The following ZNF862 variants were observed in gnomAD, a reference collection of about 807,000 sequenced individuals.
ZNF862 encodes zinc finger protein 862.
In ZNF862, 64 loss-of-function variants were observed where a neutral mutation model predicts 91.1. The ratio of observed to expected loss-of-function variants is 0.70; its 90% CI spans 0.57 to 0.87. The LOEUF is 0.87. Ranked by LOEUF, ZNF862 falls within the 40% of genes least tolerant of loss-of-function variation. The pLI is 0.00. For synonymous variants in ZNF862, 631 were observed against 618.1 expected (o/e 1.02, Z -0.31); for missense variants, 1,459 against 1,528.0 (o/e 0.95, Z 0.75).
chr7:149,857,875 C>T (rs1279085239), intron 5 of ZNF862, among the ~76,000 whole-genome samples: 1 of 152,156 alleles, frequency 6.6e-6, no homozygotes, highest in Admixed American at 6.5e-5. Flanking sequence ...GCAGTGCACC[C>T]CTTGGTCCAT....
intron 4 of ZNF862, among the ~76,000 whole-genome samples, chr7:149,849,010 A>C (rs1801972349): frequency 6.6e-6 from 1 of 152,164 alleles, no homozygotes; most frequent in Non-Finnish European, 1.5e-5. Context: ...TATATTGCCC[A>C]GGCTGGTCTT....
rs536186007 is a variant in ZNF862 at position 149,846,831 on chromosome 7, C to G, written c.241+576C>G. ...GTTTGTTTTCCCTTGTGATTTCTCT[C>G]AGACCACAAAGAGCTCTAGACAGCT... On this transcript the variant is annotated intron_variant, in intron 3 of 7. Transcript: ENST00000223210. 2.2e-4 allele frequency among the ~76,000 whole-genome samples: 34 copies of G among 152,332 alleles called. No homozygotes were observed. In the South Asian group the frequency reaches 6.8e-3, roughly 31 times the overall value.
chr7:149,860,948 C>T lies in ZNF862; in HGVS notation c.1788C>T (p.Arg596=), dbSNP rs573555166. 2 of 1,613,736 alleles carry T rather than the reference C, an allele frequency of 1.2e-6. No individual in the cohort carries two copies. Among genetic ancestry groups the T allele is most frequent in the East Asian group, 2.2e-5 (1 of 44,870 alleles). The change falls in exon 7 of 8, where the codon CGC becomes CGT. Residue 596 remains arginine (R), a synonymous_variant. Transcript: ENST00000223210. Reference sequence around the variant, plus strand: ...TGATATTAGGCAAGTACCGCAATCGCACGGCGTGCACTCAGTTCATCAAGT... The same window carrying T: ...TGATATTAGGCAAGTACCGCAATCGTACGGCGTGCACTCAGTTCATCAAGT... ...GTVILGKYRN[R]TACTQFIKYI...
In ZNF862 at chr7:149,844,635, C is replaced by G; in HGVS notation, c.35C>G (p.Thr12Arg). The G allele has an allele frequency of 1.3e-6, 2 of 1,598,306 alleles. No individual in the cohort carries two copies. The highest frequency in any genetic ancestry group is 2.7e-5 in the African/African-American group (2 of 74,730). The change falls in exon 2 of 8, where the codon ACG (threonine) becomes AGG (arginine). Residue 12 changes from threonine (T) to arginine (R), a missense_variant. Thr to Arg is a moderately conservative substitution (Grantham distance 71). Coordinates refer to ENST00000223210, the MANE Select transcript of ZNF862 (RefSeq NM_001099220.3). ...TCATTTTCCTTTCAGGCTCCTGTGA[C>G]GTTTGATGACATCACTGTGTACTTA... ...EPRESGKAPV[T>R]FDDITVYLLQ...
chr7:149,839,781 A>G (rs1422070048), intron 1 of ZNF862, among the ~76,000 whole-genome samples: 1 of 152,196 alleles, frequency 6.6e-6, no homozygotes, highest in Non-Finnish European at 1.5e-5. Context: ...CCAAGCCAAT[A>G]AAGCTCAACA....
At chr7:149,844,900 A>G (rs1801819869) in intron 2 of ZNF862, 164 bp downstream of exon 2, 2 of 580,316 alleles carry the variant, frequency 3.4e-6, no homozygotes, top group Admixed American at 3.1e-5. Context: ...AATTGCATGC[A>G]AATTCACACA....
At chr7:149,863,276 G>A (rs978693785) in intron 7 of ZNF862, among the ~76,000 whole-genome samples, 3 of 152,170 alleles carry the variant, frequency 2.0e-5, no homozygotes, top group Non-Finnish European at 2.9e-5. Context: ...ACTTGACAAG[G>A]ATGGAGCAGT....
intron 5 of ZNF862, chr7:149,856,372 C>T (rs1167136011): frequency 6.6e-6 from 1 of 152,250 alleles, no homozygotes; most frequent in Admixed American, 6.5e-5. Context: ...GTACATCACA[C>T]TTTGTTGGTT....
intron 5 of ZNF862, among the ~76,000 whole-genome samples, chr7:149,856,694 T>G (rs1336013312): frequency 6.6e-6 from 1 of 152,206 alleles, no homozygotes; most frequent in East Asian, 1.9e-4. Flanking sequence ...CCCAGGCAGC[T>G]GTTAGGCCTG....
chr7:149,860,576 G>A lies in ZNF862; in HGVS notation c.1416G>A (p.Gln472=). 1 of 1,614,024 alleles carries A rather than the reference G, an allele frequency of 6.2e-7. No individual in the cohort carries two copies. Among genetic ancestry groups the A allele is most frequent in the Non-Finnish European group, 8.5e-7 (1 of 1,179,902 alleles). The change falls in exon 7 of 8, where the codon CAG becomes CAA. Residue 472 remains glutamine, a synonymous_variant. Coordinates refer to ENST00000223210, the MANE Select transcript of ZNF862 (RefSeq NM_001099220.3). ...CCATTCAGAGGTCATGGTTTGGGCA[G>A]TTCCCATGGTTAGTAATTGACCCCA... ...PRSIQRSWFG[Q]FPWLVIDPKE...
chr7:149,844,457 C>T (rs76878088), intron 1 of ZNF862, among the ~76,000 whole-genome samples, 168 bp from the exon 2 acceptor site: 33 of 152,216 alleles, frequency 2.2e-4, no homozygotes, highest in Non-Finnish European at 4.0e-4. Context: ...AAACGAGTCT[C>T]GTTGTCACTG....
At chr7:149,857,129 CT>C (rs970027524) in intron 5 of ZNF862, among the ~76,000 whole-genome samples, 9 of 151,178 alleles carry the variant, frequency 6.0e-5, no homozygotes, top group South Asian at 2.1e-4. Context: ...TGTTTTTAAT[CT>C]TTTTTTTTGG....
In ZNF862 at chr7:149,864,145, A is replaced by G; in HGVS notation, c.3371A>G (p.Tyr1124Cys). Reference protein sequence around the residue: ...RLRKEEMGALYVEEPRTQKPP... With the variant: ...RLRKEEMGALCVEEPRTQKPP... ...AGGAAGGAGGAGATGGGAGCCCTCT[A>G]TGTGGAGGAGCCCAGGACCCAGAAG... The change falls in exon 8 of 8, where the codon TAT becomes TGT. Residue 1124 changes from tyrosine (Y) to cysteine (C), a missense_variant. By Grantham distance (194) the Tyr-to-Cys change is radical (BLOSUM62 -2). Transcript: ENST00000223210. 1 of 1,592,448 alleles carries G rather than the reference A, an allele frequency of 6.3e-7. No individual in the cohort carries two copies. Among genetic ancestry groups the G allele is most frequent in the Non-Finnish European group, 8.5e-7 (1 of 1,169,684 alleles).
intron 1 of ZNF862, chr7:149,841,480 T>C: frequency 5.1e-6 from 5 of 979,070 alleles, no homozygotes; most frequent in Non-Finnish European, 6.1e-6. Context: ...CATTTATTTA[T>C]TTACGTATTT....
Position 149,854,214 on chromosome 7 carries a change from T to C in ZNF862, c.1117+3876T>C, listed in dbSNP as rs537774043. On this transcript the variant is annotated intron_variant, in intron 5 of 7. Coordinates refer to ENST00000223210, the MANE Select transcript of ZNF862 (RefSeq NM_001099220.3). The stretch of plus-strand genomic sequence containing the variant: ...AGGCAGGGCCTGGAACTTTTTCTTA[T>C]CACACTCAAATAACATGAAATCTTC... Among the ~76,000 whole-genome samples the C allele has an allele frequency of 3.0e-3, 458 of 152,304 alleles. 3 individuals are homozygous for C. The highest frequency in any genetic ancestry group is 4.2e-3 in the Non-Finnish European group (284 of 68,030).
At chr7:149,839,514 A>G (rs1303123677) in intron 1 of ZNF862, among the ~76,000 whole-genome samples, 2 of 152,200 alleles carry the variant, frequency 1.3e-5, no homozygotes, top group Non-Finnish European at 2.9e-5. Flanking sequence ...ATAAATAGGA[A>G]ATGATCACCT....
rs749153083 is a variant in ZNF862, at chr7:149,848,298, G to T, written c.805G>T (p.Gly269Trp). ...TTCAAGAGCTGAACTAGAGGACCCT[G>T]GGGGGGATGGAGCAATTCCTGCAAT... ...PSSRAELEDP[G>W]GDGAIPAMYL... is the part of the protein sequence containing the mutation. Residue 269 changes from glycine (G) to tryptophan (W), a missense_variant, in exon 4 of 8, where the codon GGG (glycine) becomes TGG (tryptophan). By Grantham distance (184) the Gly-to-Trp change is radical. Transcript: ENST00000223210. 1.9e-6 allele frequency: 3 copies of T among 1,607,672 alleles called. No homozygotes were observed. The highest frequency in any genetic ancestry group is 4.5e-5 in the East Asian group (2 of 44,726).
chr7:149,852,353 G>GTGTGTA (rs1554448309), intron 5 of ZNF862, among the ~76,000 whole-genome samples: 1 of 135,454 alleles, frequency 7.4e-6, no homozygotes, highest in Non-Finnish European at 1.7e-5. Flanking sequence ...GTGTGTGTGT[G>GTGTGTA]TGTGTGTGTG....
rs531963557 is a variant in ZNF862, at chr7:149,844,249, C to A, written c.25-376C>A. On this transcript the variant is annotated intron_variant, in intron 1 of 7. Transcript: ENST00000223210. Reference sequence around the variant, plus strand: ...CTTTCAGCTATTTCTAGAAATTAGACACATCTTCCTAAGCGAAGGTTTACC... The same window carrying A: ...CTTTCAGCTATTTCTAGAAATTAGAAACATCTTCCTAAGCGAAGGTTTACC... Among the ~76,000 whole-genome samples, 188 of 152,250 alleles carry A rather than the reference C, an allele frequency of 1.2e-3. 2 individuals carry two copies. In the South Asian group the frequency reaches 0.017, roughly 14 times the overall value.
Sources: allele counts gnomAD v4.1 joint callset (sites outside exome capture counted in the v4.1 genomes callset), GRCh38; gene constraint gnomAD v4.1.1; transcripts MANE v1.5; gene names NCBI Gene and HGNC (gene_info 2026-07-23, HGNC 2026-07-21).